Variants in JAK1 observed in about 807,000 individuals in gnomAD.
JAK1 encodes the protein Janus kinase 1.
In JAK1, 16 loss-of-function variants were observed where a neutral mutation model predicts 136.6. The observed-to-expected ratio is 0.12, with a 90% CI of 0.08 to 0.18. The LOEUF is 0.18. Among genes scored for constraint, JAK1 ranks in the 10% least tolerant of loss-of-function variants. The probability of loss-of-function intolerance (pLI) is 1.00; values close to 1 mark genes in which losing one functional copy is unlikely to be tolerated. For missense variants in JAK1, 859 were observed against 1,450.1 expected, an observed-to-expected ratio of 0.59 and a Z score of 6.62; for synonymous variants, 492 against 519.5, an observed-to-expected ratio of 0.95 and a Z score of 0.72.
In JAK1 at chr1:64,847,600, T is replaced by C; in HGVS notation, c.1831A>G (p.Thr611Ala). Residue 611 changes from threonine to alanine, a missense_variant, in exon 13 of 25, where the codon ACT becomes GCT. Transcript: ENST00000342505. ...TLMDYKDDEG[T>A]SEEKKIKVIL... is the part of the protein sequence containing the mutation. ...ACTTTTATCTTCTTCTCTTCAGAAG[T>C]TCCTTCGTCATCCTTGTAATCCATC... is the stretch of plus-strand genomic sequence containing the variant. 6.2e-7 allele frequency: 1 copy of C among 1,614,076 alleles called. No individual in the cohort carries two copies. The highest frequency in any genetic ancestry group is 8.5e-7 in the Non-Finnish European group (1 of 1,179,990).
rs1466011640 is a variant in JAK1 at position 65,052,929 on chromosome 1, G to A, written c.-180-8347C>T. On this transcript the variant is annotated intron_variant, in intron 1 of 25. Transcript: ENST00000671954. ...GCCTGTAATCCCAGCTACTCAGGAG[G>A]CTGAGGCAGGAGAATCGCTGGGACC... 5.3e-5 allele frequency among the ~76,000 whole-genome samples: 8 copies of A among 151,032 alleles called. No individual in the cohort carries two copies. The East Asian group carries it at 1.5e-3, about 29-fold the overall frequency.
intron 1 of JAK1, among the ~76,000 whole-genome samples, chr1:64,955,220 AG>A (rs1479140266): frequency 7.2e-5 from 11 of 152,230 alleles, no homozygotes; most frequent in African/African-American, 2.4e-4. Flanking sequence ...CCTGTCCTCA[AG>A]GGCCTCGTGA....
chr1:64,874,900 T>G (rs899682722), intron 4 of JAK1, among the ~76,000 whole-genome samples: 1 of 152,130 alleles, frequency 6.6e-6, no homozygotes, highest in African/African-American at 2.4e-5. Context: ...CTCTGTGAGT[T>G]CCTGTCTCTG....
chr1:64,884,078 T>C (rs985609570), intron 2 of JAK1, among the ~76,000 whole-genome samples: 2 of 152,078 alleles, frequency 1.3e-5, no homozygotes, highest in Admixed American at 1.3e-4. Context: ...TAACAATTAA[T>C]GAATGGAGCC....
chr1:65,067,023 G>A (rs1254036528), intron 1 of JAK1, among the ~76,000 whole-genome samples: 3 of 152,098 alleles, frequency 2.0e-5, no homozygotes, highest in Non-Finnish European at 4.4e-5. Context: ...GCAAAACCGC[G>A]GAAATGCCCA....
chr1:64,851,903 T>G (rs1361891576), intron 11 of JAK1, among the ~76,000 whole-genome samples: 1 of 152,140 alleles, frequency 6.6e-6, no homozygotes, highest in African/African-American at 2.4e-5. Flanking sequence ...GGGGAGAAAA[T>G]GTAGCCATTC....
At chr1:64,994,830 A>G (rs1210180929) in intron 2 of JAK1, among the ~76,000 whole-genome samples, 1 of 152,110 alleles carries the variant, frequency 6.6e-6, no homozygotes, top group Non-Finnish European at 1.5e-5. Flanking sequence ...GTGACACTGG[A>G]CAAGAAACTT....
At chr1:64,896,618 T>C (rs1645017032) in intron 1 of JAK1, among the ~76,000 whole-genome samples, 1 of 152,234 alleles carries the variant, frequency 6.6e-6, no homozygotes, top group African/African-American at 2.4e-5. Flanking sequence ...AAGCCTGCGA[T>C]GCACAGCTCA....
chr1:64,873,224 G>A, intron 5 of JAK1, 146 bp downstream of exon 5: 1 of 829,574 alleles, frequency 1.2e-6, no homozygotes, highest in Admixed American at 2.6e-5. Context: ...CTCACTTGGG[G>A]CAAGTCCAGG....
intron 1 of JAK1, among the ~76,000 whole-genome samples, chr1:65,045,132 C>T (rs1042847446): frequency 3.3e-5 from 5 of 152,212 alleles, no homozygotes; most frequent in Admixed American, 3.3e-4. Flanking sequence ...GCCTGTCACA[C>T]TCACCATGAG....
At chr1:64,918,557 C>T (rs1042419650) in intron 1 of JAK1, 1 of 162,746 alleles carries the variant, frequency 6.1e-6, no homozygotes, top group Non-Finnish European at 1.4e-5. Context: ...GCATTTCAAT[C>T]CAGATGTTAG....
At chr1:64,858,396 G>A (rs879445522) in intron 9 of JAK1, among the ~76,000 whole-genome samples, 5 of 136,724 alleles carry the variant, frequency 3.7e-5, no homozygotes, top group African/African-American at 1.2e-4. Flanking sequence ...GCCATGGTTC[G>A]TGTGTTTTAG....
chr1:64,947,426 C>A (rs1646007091), intron 1 of JAK1, among the ~76,000 whole-genome samples: 1 of 152,162 alleles, frequency 6.6e-6, no homozygotes, highest in Admixed American at 6.5e-5. Flanking sequence ...ATTTGATAAA[C>A]AGACATCATC....
intron 1 of JAK1, among the ~76,000 whole-genome samples, chr1:65,049,579 G>C (rs1484595493): frequency 2.0e-5 from 3 of 152,136 alleles, no homozygotes; most frequent in Non-Finnish European, 4.4e-5. Flanking sequence ...CTTCCTTTGG[G>C]ATACCATCCA....
intron 8 of JAK1, among the ~76,000 whole-genome samples, 169 bp from the exon 9 acceptor site, chr1:64,860,431 T>TGC (rs1656223819): frequency 1.7e-5 from 2 of 116,028 alleles, no homozygotes; most frequent in Non-Finnish European, 3.6e-5. Flanking sequence ...TTTATTTATT[T>TGC]ATTTATTTAT....
intron 1 of JAK1, among the ~76,000 whole-genome samples, chr1:64,925,327 G>A (rs1039184156): frequency 6.6e-6 from 1 of 151,864 alleles, no homozygotes; most frequent in Admixed American, 6.6e-5. Context: ...GGAATCGCTT[G>A]AACCCAGGAA....
At chr1:64,885,050 G>A (rs947811905) in intron 2 of JAK1, among the ~76,000 whole-genome samples, 3 of 152,192 alleles carry the variant, frequency 2.0e-5, no homozygotes, top group African/African-American at 7.2e-5. Flanking sequence ...CTCCCCTGGT[G>A]AGGAGAGATT....
chr1:65,053,959 G>T (rs1229203374), intron 1 of JAK1, among the ~76,000 whole-genome samples: 1 of 152,200 alleles, frequency 6.6e-6, no homozygotes, highest in Non-Finnish European at 1.5e-5. Flanking sequence ...CTAGCTGTCT[G>T]CTCCAACTCT....
intron 1 of JAK1, among the ~76,000 whole-genome samples, chr1:64,917,623 T>C (rs1470653668): frequency 1.3e-5 from 2 of 152,156 alleles, no homozygotes; most frequent in Admixed American, 6.5e-5. Context: ...AAATTCCTAA[T>C]GGAATTTGGT....
Sources: gnomAD v4.1 joint callset for allele counts (sites outside exome capture counted in the v4.1 genomes callset) on GRCh38, gnomAD v4.1.1 for gene constraint, MANE v1.5 for transcripts, NCBI Gene and HGNC (gene_info 2026-07-23, HGNC 2026-07-21) for gene names.